The following TANC2 variants were observed in gnomAD, a reference collection of about 807,000 sequenced individuals.
The protein encoded by TANC2 is protein TANC2.
Under a neutral mutation model 210.5 loss-of-function variants are expected in TANC2, and 26 were observed. The ratio of observed to expected loss-of-function variants is 0.12; its 90% CI spans 0.09 to 0.17. TANC2 has a LOEUF of 0.17. Among genes scored for constraint, TANC2 ranks in the 10% least tolerant of loss-of-function variants. The probability of loss-of-function intolerance (pLI) is 1.00; values close to 1 mark genes in which losing one functional copy is unlikely to be tolerated. For synonymous variants in TANC2, 931 were observed against 967.1 expected (o/e 0.96, Z 0.69); for missense variants, 2,129 against 2,608.9 (o/e 0.82, Z 4.01).
chr17:63,202,048 CTCT>C (rs1476748537), intron 7 of TANC2, among the ~76,000 whole-genome samples: 1 of 152,008 alleles, frequency 6.6e-6, no homozygotes, highest in African/African-American at 2.4e-5. Context: ...TGTTCTAATG[CTCT>C]TCTTATAGTT....
intron 15 of TANC2, among the ~76,000 whole-genome samples, chr17:63,380,081 G>C (rs549137670): frequency 3.3e-5 from 5 of 152,298 alleles, no homozygotes; most frequent in African/African-American, 9.6e-5. Context: ...TACACCTATA[G>C]ATGTGTGCTC....
intron 9 of TANC2, among the ~76,000 whole-genome samples, chr17:63,304,127 C>T (rs2044817741): frequency 6.6e-6 from 1 of 152,116 alleles, no homozygotes; most frequent in South Asian, 2.1e-4. Flanking sequence ...TGCGCCCTTG[C>T]AGGAGAGGCG....
intron 13 of TANC2, among the ~76,000 whole-genome samples, chr17:63,351,785 A>G (rs879883405): frequency 1.3e-5 from 2 of 152,118 alleles, no homozygotes; most frequent in Non-Finnish European, 2.9e-5. Flanking sequence ...AGTTCAATCT[A>G]CATCCTAGAA....
At chr17:63,198,859 C>A (rs1371400600) in intron 6 of TANC2, among the ~76,000 whole-genome samples, 1 of 151,982 alleles carries the variant, frequency 6.6e-6, no homozygotes, top group Non-Finnish European at 1.5e-5. Context: ...TTGAAACTCT[C>A]CTCTTCTCTG....
chr17:63,393,198 T>G (rs1194248865), intron 17 of TANC2, among the ~76,000 whole-genome samples: 2 of 152,206 alleles, frequency 1.3e-5, no homozygotes, highest in Non-Finnish European at 2.9e-5. Context: ...TCAATTTTAG[T>G]TTATCTAATG....
At chr17:63,400,696 T>A (rs913149417) in intron 19 of TANC2, among the ~76,000 whole-genome samples, 3 of 151,906 alleles carry the variant, frequency 2.0e-5, no homozygotes, top group Non-Finnish European at 4.4e-5. Flanking sequence ...CAGGCTAGAG[T>A]GCAGTGACAC....
chr17:62,998,087 TAGAGCTG>T (rs1185809204), intron 1 of TANC2, among the ~76,000 whole-genome samples: 2 of 152,152 alleles, frequency 1.3e-5, no homozygotes, highest in Non-Finnish European at 2.9e-5. Flanking sequence ...AGTGATTGCA[TAGAGCTG>T]AAAAACTCAC....
chr17:63,189,039 T>C (rs2041097619), intron 5 of TANC2, among the ~76,000 whole-genome samples: 1 of 152,188 alleles, frequency 6.6e-6, no homozygotes, highest in Non-Finnish European at 1.5e-5. Context: ...CAATATGTAG[T>C]CTTTTGTGTC....
At chr17:62,991,597 G>A (rs1437171632) in intron 1 of TANC2, among the ~76,000 whole-genome samples, 1 of 148,420 alleles carries the variant, frequency 6.7e-6, no homozygotes, top group Admixed American at 6.7e-5. Context: ...CCAAGATCAC[G>A]CCACTGCACT....
intron 5 of TANC2, among the ~76,000 whole-genome samples, chr17:63,179,973 T>TAA (rs34426210): frequency 3.2e-5 from 4 of 123,262 alleles, no homozygotes; most frequent in African/African-American, 3.1e-5. Flanking sequence ...TACATCTCTT[T>TAA]AAAAAAAAAA....
At chr17:63,220,713 A>ATAT (rs1302451440) in intron 7 of TANC2, among the ~76,000 whole-genome samples, 118 of 140,538 alleles carry the variant, frequency 8.4e-4, no homozygotes, top group African/African-American at 2.0e-3. Flanking sequence ...CAAAAAAAAA[A>ATAT]AAAAAAATAT....
intron 1 of TANC2, among the ~76,000 whole-genome samples, chr17:62,994,017 G>A (rs1450345252): frequency 2.0e-5 from 3 of 152,098 alleles, no homozygotes; most frequent in African/African-American, 4.8e-5. Flanking sequence ...GTTTTTTGGT[G>A]TATTCTTTAG....
intron 21 of TANC2, among the ~76,000 whole-genome samples, chr17:63,410,347 C>T (rs988921070): frequency 6.9e-6 from 1 of 145,162 alleles, no homozygotes; most frequent in Non-Finnish European, 1.5e-5. Context: ...TCCCCCCCCC[C>T]CATCTCCTAG....
chr17:63,261,369 AAG>A (rs2146226726), intron 8 of TANC2, among the ~76,000 whole-genome samples: 1 of 152,346 alleles, frequency 6.6e-6, no homozygotes, highest in South Asian at 2.1e-4. Context: ...AGGAAACAAA[AAG>A]AGGCAAGAAT....
chr17:63,129,269 G>T (rs1446213889), intron 4 of TANC2, among the ~76,000 whole-genome samples: 2 of 152,126 alleles, frequency 1.3e-5, no homozygotes, highest in Non-Finnish European at 2.9e-5. Context: ...CTCCCAAAGT[G>T]CTGGGAATAC....
chr17:63,424,681 A>G (rs2049103343), exon 28 of TANC2: 1 of 152,342 alleles, frequency 6.6e-6, no homozygotes, highest in East Asian at 1.9e-4. Flanking sequence ...ATGGGTTTCT[A>G]TCACATCATG....
At position 63,245,547 on chromosome 17, in the gene TANC2, A is replaced by G. The variant is rs541190903; in HGVS notation, c.1033+7470A>G. Among the ~76,000 whole-genome samples the G allele has an allele frequency of 2.0e-5, 3 of 152,194 alleles. No individual in the cohort carries two copies. In the South Asian group the frequency reaches 6.2e-4, roughly 32 times the overall value. On this transcript the variant is annotated intron_variant, in intron 8 of 27. Coordinates refer to ENST00000689528, the Ensembl canonical transcript of TANC2. Reference sequence around the variant, plus strand: ...ACATGGTGAAACCCCGTCTCTACTAAAAATACAAAAATTGGCCAGGTGCAG... The same window carrying G: ...ACATGGTGAAACCCCGTCTCTACTAGAAATACAAAAATTGGCCAGGTGCAG...
In TANC2 at chr17:63,332,099, C is replaced by T. The variant is rs909420586; in HGVS notation, c.1576-8002C>T. The T allele has an allele frequency of 3.8e-5, 13 of 345,356 alleles. 1 individual carries two copies. The highest frequency in any genetic ancestry group is 8.1e-5 in the South Asian group (3 of 37,010). The allele number at this position is 345,356 out of a possible 1,614,324, so 21.4% of individuals were successfully genotyped here. A position where few individuals can be genotyped will look rare whatever the true frequency, so the allele number is the denominator to read the frequency against. On this transcript the variant is annotated intron_variant, in intron 11 of 27. Transcript: ENST00000689528. ...GAATAATTTCATCCTCCCCTGTTAC[C>T]GAGGTACCACAGGAGAATTTTTGAG...
intron 3 of TANC2, among the ~76,000 whole-genome samples, chr17:63,079,041 T>C (rs2036672097): frequency 6.6e-6 from 1 of 152,186 alleles, no homozygotes; most frequent in African/African-American, 2.4e-5. Context: ...TCACATTCCT[T>C]GTACCACTGG....
Sources: gnomAD v4.1 joint callset for allele counts (sites outside exome capture counted in the v4.1 genomes callset) on GRCh38, gnomAD v4.1.1 for gene constraint, MANE v1.5 for transcripts, NCBI Gene and HGNC (gene_info 2026-07-23, HGNC 2026-07-21) for gene names.